Variants in SGCD observed in about 807,000 individuals in gnomAD.
SGCD encodes the protein sarcoglycan delta, also known as delta-sarcoglycan.
Under a neutral mutation model 36.6 loss-of-function variants are expected in SGCD, and 18 were observed. The observed-to-expected ratio is 0.49, with a 90% CI of 0.34 to 0.73. SGCD has a LOEUF of 0.73. Among genes scored for constraint, SGCD ranks in the 30% least tolerant of loss-of-function variants. The probability of loss-of-function intolerance (pLI) is 0.01; values close to 1 mark genes in which losing one functional copy is unlikely to be tolerated. For missense variants in SGCD, 387 were observed against 346.7 expected, an observed-to-expected ratio of 1.12 and a Z score of -0.92; for synonymous variants, 133 against 130.6, an observed-to-expected ratio of 1.02 and a Z score of -0.12.
At chr5:155,842,785 A>G in the SGCD span, among the ~76,000 whole-genome samples, 3 of 148,614 alleles carry the variant, frequency 2.0e-5, no homozygotes, top group African/African-American at 7.5e-5. Context: ...TTTTGTCATT[A>G]ATTCAGTTTT....
At chr5:155,774,662 C>G in the SGCD span, among the ~76,000 whole-genome samples, 1 of 152,078 alleles carries the variant, frequency 6.6e-6, no homozygotes, top group African/African-American at 2.4e-5. Context: ...GCTTCTGGTA[C>G]CACATCACCT....
chr5:155,788,802 G>A, the SGCD span, among the ~76,000 whole-genome samples: 2 of 152,114 alleles, frequency 1.3e-5, no homozygotes, highest in South Asian at 4.1e-4. Context: ...CCATCACTAG[G>A]CAGAACATCC....
At chr5:155,975,609 C>CCTTTTTTT (rs1758096365) in intron 1 of SGCD, among the ~76,000 whole-genome samples, 4 of 28,008 alleles carry the variant, frequency 1.4e-4, no homozygotes, top group African/African-American at 2.6e-4. Context: ...TCTTTCTTTC[C>CCTTTTTTT]TTTTTTTTTT....
At chr5:156,438,939 T>C (rs1753369043) in intron 3 of SGCD, among the ~76,000 whole-genome samples, 1 of 152,146 alleles carries the variant, frequency 6.6e-6, no homozygotes, top group Non-Finnish European at 1.5e-5. Flanking sequence ...GAGTTACTGT[T>C]ATTTCCTACA....
intron 3 of SGCD, among the ~76,000 whole-genome samples, chr5:156,264,406 A>G (rs1362387882): frequency 6.6e-6 from 1 of 152,154 alleles, no homozygotes; most frequent in Non-Finnish European, 1.5e-5. Flanking sequence ...TCTGGAAAAT[A>G]TAGAAATTAT....
chr5:156,268,695 C>A (rs1180544491), intron 3 of SGCD, among the ~76,000 whole-genome samples: 1 of 152,078 alleles, frequency 6.6e-6, no homozygotes, highest in Non-Finnish European at 1.5e-5. Flanking sequence ...TTGGTTCAAG[C>A]AATTCTCTTG....
chr5:156,601,221 A>G (rs1761177886), intron 6 of SGCD, among the ~76,000 whole-genome samples: 1 of 152,146 alleles, frequency 6.6e-6, no homozygotes, highest in African/African-American at 2.4e-5. Context: ...TTAGCCCAAT[A>G]TCATGAAGTA....
At chr5:156,246,705 T>C (rs1765449136) in intron 3 of SGCD, among the ~76,000 whole-genome samples, 1 of 152,186 alleles carries the variant, frequency 6.6e-6, no homozygotes, top group Non-Finnish European at 1.5e-5. Flanking sequence ...TGTTAAAAAA[T>C]GTCTTTTTTT....
intron 3 of SGCD, among the ~76,000 whole-genome samples, chr5:156,410,829 G>C (rs1772703381): frequency 6.6e-6 from 1 of 151,818 alleles, no homozygotes; most frequent in African/African-American, 2.4e-5. Context: ...TTCTGTCTCT[G>C]TCCTGCTGTT....
chr5:156,030,599 C>A (rs556963984), intron 1 of SGCD, among the ~76,000 whole-genome samples: 1 of 152,286 alleles, frequency 6.6e-6, no homozygotes, highest in African/African-American at 2.4e-5. Context: ...TTTTTTATAG[C>A]AGCCCTAGTA....
chr5:156,175,317 GTAGTAAAATAAA>G (rs1376383441), intron 3 of SGCD, among the ~76,000 whole-genome samples: 1 of 152,072 alleles, frequency 6.6e-6, no homozygotes, highest in Admixed American at 6.5e-5. Flanking sequence ...TAGAAAAAAA[GTAGTAAAATAAA>G]TAGTAAAATA....
chr5:156,674,421 A>T (rs183746525), intron 7 of SGCD, among the ~76,000 whole-genome samples: 2 of 152,158 alleles, frequency 1.3e-5, no homozygotes, highest in Non-Finnish European at 2.9e-5. Flanking sequence ...CTTTATTCTT[A>T]TGCCTTAGGA....
At chr5:156,450,220 C>A (rs1300740455) in intron 3 of SGCD, among the ~76,000 whole-genome samples, 1 of 152,086 alleles carries the variant, frequency 6.6e-6, no homozygotes, top group Non-Finnish European at 1.5e-5. Context: ...GATTTGCCAC[C>A]TTTGCTGGCA....
intron 3 of SGCD, among the ~76,000 whole-genome samples, chr5:156,498,252 AT>A (rs1295569580): frequency 9.2e-6 from 1 of 108,580 alleles, no homozygotes; most frequent in African/African-American, 3.8e-5. Flanking sequence ...TGAACGTCAT[AT>A]TTCTCTTACA....
intron 3 of SGCD, among the ~76,000 whole-genome samples, chr5:156,444,115 T>TCTCTCTCTCTCTCC (rs1561699451): frequency 1.4e-5 from 1 of 72,798 alleles, no homozygotes; most frequent in Non-Finnish European, 2.7e-5. Flanking sequence ...TCTCTCTCTC[T>TCTCTCTCTCTCTCC]CCCCTTCCCT....
At chr5:156,542,043 T>G (rs1374093196) in intron 4 of SGCD, among the ~76,000 whole-genome samples, 1 of 152,220 alleles carries the variant, frequency 6.6e-6, no homozygotes, top group Non-Finnish European at 1.5e-5. Flanking sequence ...ACATTTGACT[T>G]TCTTGAAATG....
intron 3 of SGCD, among the ~76,000 whole-genome samples, chr5:156,245,785 G>A (rs1435551462): frequency 2.6e-5 from 4 of 151,644 alleles, no homozygotes; most frequent in Non-Finnish European, 4.4e-5. Context: ...GAAGGAGGAA[G>A]AGAAAATTTT....
intron 3 of SGCD, among the ~76,000 whole-genome samples, chr5:156,350,500 C>T (rs1769196819): frequency 6.6e-6 from 1 of 151,940 alleles, no homozygotes; most frequent in Non-Finnish European, 1.5e-5. Flanking sequence ...GTGCTATCCC[C>T]AAGGATACAT....
At chr5:156,181,980 T>C (rs750597443) in intron 3 of SGCD, among the ~76,000 whole-genome samples, 15 of 152,232 alleles carry the variant, frequency 9.9e-5, no homozygotes, top group Non-Finnish European at 1.8e-4. Flanking sequence ...AGAGGCTTGT[T>C]CTTTGCACTA....
Sources: gnomAD v4.1 joint callset for allele counts (sites outside exome capture counted in the v4.1 genomes callset) on GRCh38, gnomAD v4.1.1 for gene constraint, MANE v1.5 for transcripts, NCBI Gene and HGNC (gene_info 2026-07-23, HGNC 2026-07-21) for gene names.